The following SDHA variants were observed in gnomAD, a reference collection of about 807,000 sequenced individuals.
The protein encoded by SDHA is succinate dehydrogenase complex flavoprotein subunit A, also known as succinate dehydrogenase [ubiquinone] flavoprotein subunit, mitochondrial.
In SDHA, 48 loss-of-function variants were observed where a neutral mutation model predicts 78.4. The ratio of observed to expected loss-of-function variants is 0.61; its 90% CI spans 0.49 to 0.78. The LOEUF is 0.78. Among genes scored for constraint, SDHA ranks in the 30% least tolerant of loss-of-function variants. SDHA has a pLI of 0.00. For missense variants in SDHA, 680 were observed against 892.7 expected (o/e 0.76, Z 3.04); for synonymous variants, 326 against 353.9 (o/e 0.92, Z 0.88).
intron 12 of SDHA, 59 bp downstream of exon 12, chr5:251,162 G>A (rs1705856347): frequency 1.9e-6 from 3 of 1,575,964 alleles, no homozygotes; most frequent in Non-Finnish European, 1.7e-6. Context: ...AGGGTGGGCT[G>A]GTGTCTGTCC....
At position 247,666 on chromosome 5, in the gene SDHA, A is replaced by G. The variant is rs185869999; in HGVS notation, c.1552-3326A>G. Among the ~76,000 whole-genome samples, 281 of 152,324 alleles carry G rather than the reference A, an allele frequency of 1.8e-3. 1 individual carries two copies. The highest frequency in any genetic ancestry group is 6.3e-3 in the African/African-American group (262 of 41,580). On this transcript the variant is annotated intron_variant, in intron 11 of 14. Transcript: ENST00000264932. ...GTTCCCTCGTTTGGGAGACTAGCTT[A>G]TGTACATGCATGTGTGGACACCTTT... is the stretch of plus-strand genomic sequence containing the variant.
chr5:262,308 T>G, the SDHA span, among the ~76,000 whole-genome samples: 2 of 103,728 alleles, frequency 1.9e-5, 1 homozygote, highest in African/African-American at 7.5e-5. Flanking sequence ...CCGTGTGAGC[T>G]CCGCCTCCCG....
chr5:248,193 C>T (rs1368339511), intron 11 of SDHA, among the ~76,000 whole-genome samples: 1 of 152,272 alleles, frequency 6.6e-6, no homozygotes, highest in East Asian at 1.9e-4. Flanking sequence ...CATCAAGACA[C>T]CTGAAACCTT....
intron 13 of SDHA, 49 bp from the exon 14 acceptor site, chr5:254,344 T>C: frequency 6.5e-7 from 1 of 1,534,252 alleles, no homozygotes; most frequent in South Asian, 1.2e-5. Context: ...GTTTTTTCTG[T>C]ATTGCTCTGT....
At chr5:228,057 CT>C (rs2126557520) in intron 5 of SDHA, 127 bp from the exon 6 acceptor site, 1 of 903,692 alleles carries the variant, frequency 1.1e-6, no homozygotes. Flanking sequence ...GACACTGTTG[CT>C]GATCTCCTTG....
the SDHA span, among the ~76,000 whole-genome samples, chr5:262,634 C>G: frequency 6.6e-6 from 1 of 152,230 alleles, no homozygotes; most frequent in Non-Finnish European, 1.5e-5. Context: ...TCCATGAAAC[C>G]AGTCCCTGGT....
At chr5:234,901 G>A (rs186477430) in intron 8 of SDHA, 4 of 561,646 alleles carry the variant, frequency 7.1e-6, no homozygotes, top group Non-Finnish European at 1.3e-5. Flanking sequence ...TCCCTGAGAC[G>A]AGCGTGAGTT....
chr5:230,987 G>A lies in SDHA; in HGVS notation c.882G>A (p.Gln294=), dbSNP rs371512265. 6.2e-7 allele frequency: 1 copy of A among 1,613,968 alleles called. No homozygotes were observed. The highest frequency in any genetic ancestry group is 8.5e-7 in the Non-Finnish European group (1 of 1,179,868). The part of the protein sequence containing the change: ...GLPCQDLEFV[Q]FHPTGIYGAG... ...CTTGCCAGGACCTAGAGTTTGTTCA[G>A]TTCCACCCTACAGGTAGGGCAGGAC... The change falls in exon 7 of 15, where the codon CAG becomes CAA. Residue 294 remains glutamine (Q), a synonymous_variant. Transcript: ENST00000264932.
intron 5 of SDHA, 73 bp from the exon 6 acceptor site, chr5:228,112 A>G (rs551634375): frequency 2.0e-6 from 3 of 1,466,762 alleles, no homozygotes; most frequent in Admixed American, 3.4e-5. Flanking sequence ...ACCTATTCAC[A>G]TGAGCAGATA....
rs1234233240 is a variant in SDHA at position 243,795 on chromosome 5, C to G, written c.1551+3319C>G. On this transcript the variant is annotated intron_variant, in intron 11 of 14. Transcript: ENST00000264932. ...GGAAAGCACACTTAGTTGATTATAT[C>G]AAGGCCTGTGATGGTATCAGAGGTA... is the stretch of plus-strand genomic sequence containing the variant. Among the ~76,000 whole-genome samples the G allele has an allele frequency of 2.6e-5, 4 of 152,172 alleles. 1 individual carries two copies. The highest frequency in any genetic ancestry group is 6.5e-5 in the Admixed American group (1 of 15,284).
At chr5:255,039 AGT>A in intron 14 of SDHA, among the ~76,000 whole-genome samples, 1 of 151,826 alleles carries the variant, frequency 6.6e-6, no homozygotes, top group South Asian at 2.1e-4. Context: ...TGGGGTGAGC[AGT>A]GTCCTGGGAA....
chr5:224,321 G>A, intron 2 of SDHA, 39 bp from the exon 3 acceptor site: 3 of 1,604,070 alleles, frequency 1.9e-6, no homozygotes, highest in Non-Finnish European at 2.6e-6. Context: ...GTTTGGCATA[G>A]TGGAACATGT....
At position 252,532 on chromosome 5, in the gene SDHA, G is replaced by A. The variant is rs1484072813; in HGVS notation, c.1794+1064G>A. On this transcript the variant is annotated intron_variant, in intron 13 of 14. Coordinates refer to ENST00000264932, the MANE Select transcript of SDHA (RefSeq NM_004168.4). The stretch of plus-strand genomic sequence containing the variant: ...CCAGTTTATTAACGAGTAAGTCACC[G>A]TTTCAAACCTGCCCTGTGGAGGAAA... Among the ~76,000 whole-genome samples, 241 of 146,700 alleles carry A rather than the reference G, an allele frequency of 1.6e-3. 3 individuals are homozygous for A. The highest frequency in any genetic ancestry group is 2.4e-3 in the Admixed American group (35 of 14,596).
chr5:256,225 T>C, intron 14 of SDHA, 109 bp from the exon 15 acceptor site: 2 of 836,132 alleles, frequency 2.4e-6, no homozygotes, highest in South Asian at 1.3e-5. Context: ...AATCTTAAAG[T>C]TCACATGCCA....
intron 3 of SDHA, 51 bp from the exon 4 acceptor site, chr5:225,368 C>T: frequency 6.2e-7 from 1 of 1,611,728 alleles, no homozygotes; most frequent in African/African-American, 1.3e-5. Flanking sequence ...GCCTGGAAGA[C>T]AAAGTTGGCG....
intron 6 of SDHA, among the ~76,000 whole-genome samples, chr5:229,522 T>C (rs957646141): frequency 3.4e-4 from 52 of 152,342 alleles, no homozygotes; most frequent in African/African-American, 1.2e-3. Flanking sequence ...ATACTGCATG[T>C]CACTCATGTG....
Position 237,793 on chromosome 5 carries a change from A to C in SDHA, c.1432+1194A>C, listed in dbSNP as rs1735873484. Among the ~76,000 whole-genome samples, 2 of 136,922 alleles carry C rather than the reference A, an allele frequency of 1.5e-5. 1 individual carries two copies. The highest frequency in any genetic ancestry group is 6.9e-5 in the African/African-American group (2 of 29,084). 89.8% of individuals were successfully genotyped at this position (136,922 alleles called of 152,430 possible). ...TTTGTATCTGTAGTTAGAAAGGTGC[A>C]GATAGTATTAAAAGGGTAGCTTACT... On this transcript the variant is annotated intron_variant, in intron 10 of 14. Transcript: ENST00000264932.
chr5:238,244 C>T (rs1238412523), intron 10 of SDHA, among the ~76,000 whole-genome samples: 5 of 152,150 alleles, frequency 3.3e-5, no homozygotes, highest in African/African-American at 2.4e-5. Context: ...AGGCTGCTTC[C>T]TGATTGTGCT....
At chr5:231,509 G>A (rs371292957) in intron 7 of SDHA, among the ~76,000 whole-genome samples, 4 of 149,832 alleles carry the variant, frequency 2.7e-5, no homozygotes, top group African/African-American at 7.4e-5. Context: ...GCAGTGAGCC[G>A]AGATCGCGCC....
Sources: gnomAD v4.1 joint callset for allele counts (sites outside exome capture counted in the v4.1 genomes callset) on GRCh38, gnomAD v4.1.1 for gene constraint, MANE v1.5 for transcripts, NCBI Gene and HGNC (gene_info 2026-07-23, HGNC 2026-07-21) for gene names.